Variants in LHFPL3 observed in about 807,000 individuals in gnomAD.
LHFPL3 encodes the protein LHFPL tetraspan subfamily member 3 protein.
In LHFPL3, 5 loss-of-function variants were observed where a neutral mutation model predicts 19.3. The ratio of observed to expected loss-of-function variants is 0.26; its 90% CI spans 0.14 to 0.54. LHFPL3 has a LOEUF of 0.54. Among genes scored for constraint, LHFPL3 ranks in the 20% least tolerant of loss-of-function variants. The pLI is 0.94. For synonymous variants in LHFPL3, 133 were observed against 126.2 expected (o/e 1.05, Z -0.36); for missense variants, 249 against 307.4 (o/e 0.81, Z 1.42).
intron 1 of LHFPL3, among the ~76,000 whole-genome samples, chr7:104,394,786 C>T (rs1791149140): frequency 6.6e-6 from 1 of 151,872 alleles, no homozygotes; most frequent in Admixed American, 6.6e-5. Flanking sequence ...TTGCACCCTC[C>T]ACCTCCTTGG....
Position 104,399,817 on chromosome 7 carries a change from C to T in LHFPL3, c.445+70593C>T, listed in dbSNP as rs1000138935. Among the ~76,000 whole-genome samples, 1 of 151,406 alleles carries T rather than the reference C, an allele frequency of 6.6e-6. No individual in the cohort carries two copies. Among genetic ancestry groups the T allele is most frequent in the East Asian group, 1.9e-4 (1 of 5,156 alleles). On this transcript the variant is annotated intron_variant, in intron 1 of 2. Transcript: ENST00000424859. The surrounding 1 kb of genome is among the most constrained non-coding windows in gnomAD (Gnocchi z 4.4). ...GGTAATTATGTTACCATGGAAGTGGCCCCAAAGAGTCATGTTGAGAGGGTT... is the reference window on the plus strand; with the variant it reads ...GGTAATTATGTTACCATGGAAGTGGTCCCAAAGAGTCATGTTGAGAGGGTT...
intron 1 of LHFPL3, among the ~76,000 whole-genome samples, chr7:104,474,360 T>A (rs1002511102): frequency 3.4e-4 from 51 of 152,052 alleles, no homozygotes; most frequent in African/African-American, 1.2e-3. Context: ...CTAAGGTGAA[T>A]AAAAGGATTA....
chr7:104,599,786 G>A lies in LHFPL3; in HGVS notation c.446-136889G>A, dbSNP rs1391077100. ...CAGTTGTGCAGAGGGATGCAGGTAT[G>A]TGGTCTCTCTTATTTTCCCATCTAA... On this transcript the variant is annotated intron_variant, in intron 1 of 2. Coordinates refer to ENST00000424859, the MANE Select transcript of LHFPL3 (RefSeq NM_199000.3). Among the ~76,000 whole-genome samples the A allele has an allele frequency of 3.3e-5, 5 of 152,220 alleles. No individual in the cohort carries two copies. In the East Asian group the frequency reaches 7.7e-4, roughly 23 times the overall value.
chr7:104,469,534 T>C (rs141372901), intron 1 of LHFPL3, among the ~76,000 whole-genome samples: 325 of 152,286 alleles, frequency 2.1e-3, no homozygotes, highest in African/African-American at 7.2e-3. Context: ...ATCATAAAAT[T>C]TGGTATGAAT....
chr7:104,566,337 C>G (rs1190885209), intron 1 of LHFPL3, among the ~76,000 whole-genome samples: 1 of 152,086 alleles, frequency 6.6e-6, no homozygotes, highest in Non-Finnish European at 1.5e-5. Flanking sequence ...AGTGACAGAG[C>G]AAGACCCTGT....
chr7:104,443,102 T>G (rs1171110370), intron 1 of LHFPL3, among the ~76,000 whole-genome samples: 2 of 152,152 alleles, frequency 1.3e-5, no homozygotes, highest in Non-Finnish European at 2.9e-5. Context: ...TCAAAAAGTG[T>G]GGTTGGGACA....
At chr7:104,693,305 C>A (rs1792938998) in intron 1 of LHFPL3, among the ~76,000 whole-genome samples, 1 of 152,106 alleles carries the variant, frequency 6.6e-6, no homozygotes, top group Non-Finnish European at 1.5e-5. Context: ...TGGGTTAATG[C>A]TGGAATAAGT....
At chr7:104,716,348 A>C (rs1225747129) in intron 1 of LHFPL3, among the ~76,000 whole-genome samples, 3 of 152,150 alleles carry the variant, frequency 2.0e-5, no homozygotes, top group Non-Finnish European at 4.4e-5. Flanking sequence ...TCTCCAAAAA[A>C]AAAAAGCCAT....
intron 1 of LHFPL3, among the ~76,000 whole-genome samples, chr7:104,593,909 C>T (rs1228184813): frequency 6.6e-6 from 1 of 152,096 alleles, no homozygotes; most frequent in Non-Finnish European, 1.5e-5. Flanking sequence ...AGATCGTCCT[C>T]CATCCCTTTA....
intron 1 of LHFPL3, among the ~76,000 whole-genome samples, chr7:104,541,235 G>C (rs1167000232): frequency 6.6e-6 from 1 of 151,866 alleles, no homozygotes; most frequent in Non-Finnish European, 1.5e-5. Context: ...GGCTCCCATG[G>C]CACCTGGGAA....
intron 1 of LHFPL3, among the ~76,000 whole-genome samples, chr7:104,383,482 G>T (rs1044741731): frequency 6.6e-6 from 1 of 152,128 alleles, no homozygotes; most frequent in African/African-American, 2.4e-5. Flanking sequence ...CAAGATCTTC[G>T]GTTTAACAAG....
At chr7:104,876,528 C>T (rs1455359296) in intron 2 of LHFPL3, among the ~76,000 whole-genome samples, 1 of 150,742 alleles carries the variant, frequency 6.6e-6, no homozygotes, top group Non-Finnish European at 1.5e-5. Context: ...TGAAAAAATG[C>T]TCATCAACAC....
rs529717388 is a variant in LHFPL3 at position 104,530,331 on chromosome 7, T to C, written c.445+201107T>C. On this transcript the variant is annotated intron_variant, in intron 1 of 2. Coordinates refer to ENST00000424859, the MANE Select transcript of LHFPL3 (RefSeq NM_199000.3). ...TGAAATCACTTTGTGCTGGAGGCCA[T>C]GTGGCTCTTTATGGCCACAAATGAT... Among the ~76,000 whole-genome samples the C allele has an allele frequency of 5.3e-5, 8 of 152,350 alleles. No homozygotes were observed. In the East Asian group the frequency reaches 9.6e-4, roughly 18 times the overall value.
At chr7:104,836,784 C>G (rs944200791) in intron 2 of LHFPL3, among the ~76,000 whole-genome samples, 1 of 152,190 alleles carries the variant, frequency 6.6e-6, no homozygotes, top group Non-Finnish European at 1.5e-5. Context: ...GTACAACAAA[C>G]TGGATCTCAA....
At chr7:104,513,621 C>T (rs41055) in intron 1 of LHFPL3, among the ~76,000 whole-genome samples, 58,374 of 152,082 alleles carry the variant, frequency 0.38, 11,536 homozygotes, top group African/African-American at 0.45. Flanking sequence ...TAATTAAAGA[C>T]GGAGAATGAC....
intron 1 of LHFPL3, among the ~76,000 whole-genome samples, chr7:104,481,593 G>A (rs571966738): frequency 2.6e-5 from 4 of 151,982 alleles, no homozygotes; most frequent in African/African-American, 9.6e-5. Context: ...TATAAATCCC[G>A]GGAGGATATT....
At position 104,560,766 on chromosome 7, in the gene LHFPL3, G is replaced by T. The variant is rs554632461; in HGVS notation, c.446-175909G>T. Among the ~76,000 whole-genome samples the T allele has an allele frequency of 6.0e-3, 877 of 145,848 alleles. 9 individuals carry two copies. The highest frequency in any genetic ancestry group is 0.021 in the African/African-American group (808 of 38,106). On this transcript the variant is annotated intron_variant, in intron 1 of 2. Coordinates refer to ENST00000424859, the MANE Select transcript of LHFPL3 (RefSeq NM_199000.3). ...TCTTGCTTTTCTAGTTCTTTTAATT[G>T]TGATGTTAGGGTGTCAATTTTGGAT...
intron 2 of LHFPL3, among the ~76,000 whole-genome samples, chr7:104,835,464 C>G (rs1429423323): frequency 6.6e-6 from 1 of 151,532 alleles, no homozygotes; most frequent in South Asian, 2.1e-4. Context: ...GTGGCAGTCA[C>G]TCCTTCATCT....
At chr7:104,372,389 G>C (rs561956473) in intron 1 of LHFPL3, among the ~76,000 whole-genome samples, 1 of 152,222 alleles carries the variant, frequency 6.6e-6, no homozygotes, top group Non-Finnish European at 1.5e-5. Flanking sequence ...ATATTAGTAT[G>C]GTTCTTGATT....
Sources: gnomAD v4.1 joint callset for allele counts (sites outside exome capture counted in the v4.1 genomes callset) on GRCh38, gnomAD v4.1.1 for gene constraint, Gnocchi (gnomAD v3.1) non-coding constraint, MANE v1.5 for transcripts, NCBI Gene and HGNC (gene_info 2026-07-23, HGNC 2026-07-21) for gene names.